Variants in HSPG2 observed in about 807,000 individuals in gnomAD.
HSPG2 encodes the protein heparan sulfate proteoglycan 2.
Under a neutral mutation model 526.6 loss-of-function variants are expected in HSPG2, and 278 were observed. The observed-to-expected ratio is 0.53, with a 90% CI of 0.48 to 0.58. The LOEUF (loss-of-function observed/expected upper bound fraction) is 0.58. Ranked by LOEUF, HSPG2 falls within the 20% of genes least tolerant of loss-of-function variation. HSPG2 has a pLI of 0.00. For synonymous variants in HSPG2, 2,465 were observed against 2,555.4 expected (o/e 0.96, Z 1.07); for missense variants, 5,354 against 6,099.5 (o/e 0.88, Z 4.07).
Position 21,857,007 on chromosome 1 carries a change from A to T in HSPG2, c.5575+8T>A. On this transcript the variant is annotated splice_region_variant and intron_variant, in intron 44 of 96. Transcript: ENST00000374695. ...GAGGGGAGAATCAGGTATAGATGGG[A>T]GGTGTACCCTGCACATGTAGAGTGG... 1 of 1,613,816 alleles carries T rather than the reference A, an allele frequency of 6.2e-7. No homozygotes were observed. The highest frequency in any genetic ancestry group is 8.5e-7 in the Non-Finnish European group (1 of 1,179,766).
chr1:21,928,321 G>T (rs2152803309), intron 1 of HSPG2, among the ~76,000 whole-genome samples: 1 of 152,380 alleles, frequency 6.6e-6, no homozygotes, highest in African/African-American at 2.4e-5. Context: ...GAGCATGGCT[G>T]GGCAGGCAGC....
At chr1:21,878,405 G>A (rs371110792) in intron 20 of HSPG2, 28 bp downstream of exon 20, 5 of 1,593,068 alleles carry the variant, frequency 3.1e-6, no homozygotes, top group East Asian at 2.3e-5. Context: ...GGAGGTGGGT[G>A]TCAGGGGATG....
chr1:21,893,787 G>C lies in HSPG2; in HGVS notation c.244+2135C>G, dbSNP rs1642539760. On this transcript the variant is annotated intron_variant, in intron 3 of 96. Coordinates refer to ENST00000374695, the MANE Select transcript of HSPG2 (RefSeq NM_005529.7). This position sits in a 1 kb window ranked among gnomAD's most constrained non-coding sequence, Gnocchi z 4.3. ...AGAGGGAGACACAAAGAGACAGAAA[G>C]ACAGAGACAGAGATAAAGAAAGTGG... 6.6e-6 allele frequency among the ~76,000 whole-genome samples: 1 copy of C among 151,468 alleles called. No homozygotes were observed. The highest frequency in any genetic ancestry group is 1.5e-5 in the Non-Finnish European group (1 of 67,926).
Position 21,889,913 on chromosome 1 carries a change from G to A in HSPG2, c.574+68C>T, listed in dbSNP as rs757753680. On this transcript the variant is annotated intron_variant, in intron 6 of 96. Transcript: ENST00000374695. ...GTGCAAGCCCAAGTTGGGAGCCTAT[G>A]GCAGAGACACTGAAAGGGGACCCCA... The A allele has an allele frequency of 6.5e-6, 10 of 1,545,682 alleles. No individual in the cohort carries two copies. The African/African-American group carries it at 9.5e-5, about 15-fold the overall frequency.
intron 76 of HSPG2, 184 bp from the exon 77 acceptor site, chr1:21,835,129 C>A: frequency 1.4e-6 from 1 of 701,640 alleles, no homozygotes; most frequent in Non-Finnish European, 2.5e-6. Context: ...TTTACTCACT[C>A]ACGTGTCCAC....
chr1:21,904,715 C>A lies in HSPG2; in HGVS notation c.64-8405G>T, dbSNP rs1418742339. Among the ~76,000 whole-genome samples, 1 of 152,194 alleles carries A rather than the reference C, an allele frequency of 6.6e-6. No individual in the cohort carries two copies. The highest frequency in any genetic ancestry group is 2.4e-5 in the African/African-American group (1 of 41,462). On this transcript the variant is annotated intron_variant, in intron 1 of 96. Coordinates refer to ENST00000374695, the MANE Select transcript of HSPG2 (RefSeq NM_005529.7). The surrounding 1 kb of genome is among the most constrained non-coding windows in gnomAD (Gnocchi z 4.4). ...GGCCTAAGCGGGAACAGCTTCTGGA[C>A]TGGGCTGCCCAGCAAGAAGGTCCCT...
rs1569755249 is a variant in HSPG2 at position 21,935,772 on chromosome 1, T to A, written c.63+1383A>T. Among the ~76,000 whole-genome samples, 3 of 152,274 alleles carry A rather than the reference T, an allele frequency of 2.0e-5. No individual in the cohort carries two copies. The South Asian group carries it at 6.2e-4, about 32-fold the overall frequency. On this transcript the variant is annotated intron_variant, in intron 1 of 96. Transcript: ENST00000374695. ...TGCTAGGTTGGTGCGTTGGGAAAAG[T>A]AAAAGTCAGTGCCAGGAGTGCAAGT...
chr1:21,880,143 A>T lies in HSPG2; in HGVS notation c.2307T>A (p.His769Gln). 1 of 1,614,118 alleles carries T rather than the reference A, an allele frequency of 6.2e-7. No homozygotes were observed. The highest frequency in any genetic ancestry group is 8.5e-7 in the Non-Finnish European group (1 of 1,180,002). The stretch of plus-strand genomic sequence containing the variant: ...CATACACAGGGTCACAGGAGCTGGC[A>T]TGGCCATTGCAATTGCAACCAGAGC... ...GTCSGCNCNGHASSCDPVYGH... is the reference protein window; with the variant it reads ...GTCSGCNCNGQASSCDPVYGH... The change falls in exon 17 of 97, where the codon CAT becomes CAA. Residue 769 changes from histidine to glutamine, a missense_variant. Coordinates refer to ENST00000374695, the MANE Select transcript of HSPG2 (RefSeq NM_005529.7).
intron 1 of HSPG2, among the ~76,000 whole-genome samples, chr1:21,917,808 C>T (rs975019278): frequency 1.1e-4 from 16 of 152,196 alleles, no homozygotes; most frequent in African/African-American, 3.9e-4. Flanking sequence ...CCTATAAAGA[C>T]ATCCTTCTCC....
rs771365879 is a variant in HSPG2 at position 21,890,500 on chromosome 1, A to C, written c.355-15T>G. The C allele has an allele frequency of 6.2e-7, 1 of 1,613,844 alleles. No individual in the cohort carries two copies. The highest frequency in any genetic ancestry group is 1.3e-5 in the African/African-American group (1 of 74,986). On this transcript the variant is annotated splice_polypyrimidine_tract_variant and intron_variant, in intron 4 of 96. Coordinates refer to ENST00000374695, the MANE Select transcript of HSPG2 (RefSeq NM_005529.7). The surrounding 1 kb of genome is among the most constrained non-coding windows in gnomAD (Gnocchi z 4.1). The stretch of plus-strand genomic sequence containing the variant: ...TCCGACTCCAGCTGGGGAGGGACAC[A>C]GTGCCATCAGCCCCAGAGGCCTTCA...
Position 21,937,243 on chromosome 1 carries a change from T to TCGCTCGCTCCGCGC in HSPG2, c.-40_-27dup, listed in dbSNP as rs1644514849. On this transcript the variant is annotated 5_prime_UTR_variant, in exon 1 of 97. Transcript: ENST00000374695. ...GGCCCGGCCCGCGCCGCTCTCTCGC[T>TCGCTCGCTCCGCGC]CGCTCGCTCCGCGCCGCCCGCTCCG... The TCGCTCGCTCCGCGC allele has an allele frequency of 2.3e-6, 2 of 863,576 alleles. No homozygotes were observed. The highest frequency in any genetic ancestry group is 2.2e-5 in the African/African-American group (1 of 44,570). The allele number at this position is 863,576 out of a possible 1,614,324, so 53.5% of individuals were successfully genotyped here. A position where few individuals can be genotyped will look rare whatever the true frequency, so the allele number is the denominator to read the frequency against.
intron 1 of HSPG2, 122 bp from the exon 2 acceptor site, chr1:21,896,432 G>A: frequency 8.2e-7 from 1 of 1,216,806 alleles, no homozygotes. Context: ...GGTTAAATTT[G>A]ACTTAGTATG....
rs368983547 is a variant in HSPG2 at position 21,864,215 on chromosome 1, TA to T, written c.4627-3del. On this transcript the variant is annotated splice_polypyrimidine_tract_variant and splice_region_variant and intron_variant, in intron 36 of 96. Transcript: ENST00000374695. The surrounding 1 kb of genome is among the most constrained non-coding windows in gnomAD (Gnocchi z 4.8). Reference sequence around the variant, plus strand: ...GCGCGTGTAGCCGGGGGCACAGTCCTAGGGGCAGAGAGGAAGGTTGGCCTCT... The same window carrying T: ...GCGCGTGTAGCCGGGGGCACAGTCCTGGGGCAGAGAGGAAGGTTGGCCTCT... 2.9e-3 allele frequency: 4,486 copies of T among 1,550,870 alleles called. 17 individuals are homozygous for T. Among genetic ancestry groups the T allele is most frequent in the Non-Finnish European group, 3.3e-3 (3,752 of 1,146,980 alleles).
Position 21,858,286 on chromosome 1 carries a change from C to T in HSPG2, c.5294-901G>A, listed in dbSNP as rs1639501883. On this transcript the variant is annotated intron_variant, in intron 42 of 96. Transcript: ENST00000374695. The surrounding 1 kb of genome is among the most constrained non-coding windows in gnomAD (Gnocchi z 4.2). The stretch of plus-strand genomic sequence containing the variant: ...GAGGCTGCCCTGAAAGCCCTTTTCC[C>T]TCTGATTCCCATGATGCCCCCTGTC... 2.6e-5 allele frequency among the ~76,000 whole-genome samples: 4 copies of T among 152,174 alleles called. No homozygotes were observed. Among genetic ancestry groups the T allele is most frequent in the Admixed American group, 1.3e-4 (2 of 15,278 alleles).
intron 1 of HSPG2, among the ~76,000 whole-genome samples, chr1:21,903,881 C>T (rs940582770): frequency 2.0e-5 from 3 of 152,190 alleles, no homozygotes; most frequent in South Asian, 2.1e-4. Flanking sequence ...GACCACCAGC[C>T]GGTGGGGCAG....
intron 13 of HSPG2, among the ~76,000 whole-genome samples, chr1:21,883,212 C>T (rs933320688): frequency 6.6e-6 from 1 of 152,212 alleles, no homozygotes; most frequent in Non-Finnish European, 1.5e-5. Flanking sequence ...TTTGGCAGTT[C>T]GTTGACTGTC....
rs138703602 is a variant in HSPG2 at position 21,847,995 on chromosome 1, C to T, written c.7836G>A (p.Ser2612=). 2.1e-5 allele frequency: 34 copies of T among 1,613,432 alleles called. No homozygotes were observed. The highest frequency in any genetic ancestry group is 3.3e-5 in the South Asian group (3 of 91,074). ...CGCTGCCCTGGATGGTGACGATGAGCGAGGTCTCCCGGGAGCCTGCACCGT... is the reference window on the plus strand; with the variant it reads ...CGCTGCCCTGGATGGTGACGATGAGTGAGGTCTCCCGGGAGCCTGCACCGT... ...VSNGAGSRET[S]LIVTIQGSGS... The change falls in exon 60 of 97, where the codon TCG becomes TCA. Residue 2612 remains serine (S), a synonymous_variant. Coordinates refer to ENST00000374695, the MANE Select transcript of HSPG2 (RefSeq NM_005529.7). This position sits in a 1 kb window ranked among gnomAD's most constrained non-coding sequence, Gnocchi z 4.1.
At position 21,832,591 on chromosome 1, in the gene HSPG2, T is replaced by C. The variant is rs1249175120; in HGVS notation, c.11111A>G (p.Asn3704Ser). ...GCTCCCTGGGACTCGCTTCTGCCCA[T>C]TGTACAGCAGCATCCCTGGGTGGGC... The part of the protein sequence containing the change: ...PDSADGMLLY[N>S]GQKRVPGSPT... Residue 3704 changes from asparagine to serine, a missense_variant, in exon 81 of 97, where the codon AAT (asparagine) becomes AGT (serine). By Grantham distance (46) the Asn-to-Ser change is conservative. Coordinates refer to ENST00000374695, the MANE Select transcript of HSPG2 (RefSeq NM_005529.7). 2 of 1,614,028 alleles carry C rather than the reference T, an allele frequency of 1.2e-6. No homozygotes were observed. Among genetic ancestry groups the C allele is most frequent in the Non-Finnish European group, 1.7e-6 (2 of 1,179,920 alleles).
rs1261828694 is a variant in HSPG2 at position 21,838,944 on chromosome 1, G to A, written c.10031C>T (p.Thr3344Ile). 6.2e-7 allele frequency: 1 copy of A among 1,612,492 alleles called. No individual in the cohort carries two copies. Among genetic ancestry groups the A allele is most frequent in the Non-Finnish European group, 8.5e-7 (1 of 1,179,130 alleles). Reference sequence around the variant, plus strand: ...AAAGTGCAGCAGCTCGTTCCTGGCGGTCGCCCTCCCAGGAAGGCTGCTGCC... The same window carrying A: ...AAAGTGCAGCAGCTCGTTCCTGGCGATCGCCCTCCCAGGAAGGCTGCTGCC... Reference protein sequence around the residue: ...RVGSSLPGRATARNELLHFER... With the variant: ...RVGSSLPGRAIARNELLHFER... Residue 3344 changes from threonine (T) to isoleucine (I), a missense_variant, in exon 74 of 97, where the codon ACC becomes ATC. By Grantham distance (89) the Thr-to-Ile change is moderately conservative. Coordinates refer to ENST00000374695, the MANE Select transcript of HSPG2 (RefSeq NM_005529.7).
Sources: allele counts gnomAD v4.1 joint callset (sites outside exome capture counted in the v4.1 genomes callset), GRCh38; gene constraint gnomAD v4.1.1; non-coding constraint Gnocchi (gnomAD v3.1); transcripts MANE v1.5; gene names NCBI Gene and HGNC (gene_info 2026-07-23, HGNC 2026-07-21).